Variants in AKAP13 observed in about 807,000 individuals in gnomAD.
AKAP13 encodes A-kinase anchor protein 13.
In AKAP13, 80 loss-of-function variants were observed where a neutral mutation model predicts 264.5. The observed-to-expected ratio is 0.30, with a 90% CI of 0.25 to 0.36. AKAP13 has a LOEUF of 0.36. Ranked by LOEUF, AKAP13 falls within the 10% of genes least tolerant of loss-of-function variation. The pLI is 1.00. For missense variants in AKAP13, 3,712 were observed against 3,435.2 expected (o/e 1.08, Z -2.01); for synonymous variants, 1,380 against 1,250.2 (o/e 1.10, Z -2.19).
At chr15:85,741,623 C>T in intron 35 of AKAP13, 128 bp downstream of exon 35, 2 of 1,384,644 alleles carry the variant, frequency 1.4e-6, no homozygotes, top group Non-Finnish European at 1.9e-6. Flanking sequence ...TGCCTGTGAT[C>T]CCAGCACTTT....
chr15:85,577,218 G>A (rs1385287832), intron 6 of AKAP13, among the ~76,000 whole-genome samples: 1 of 152,208 alleles, frequency 6.6e-6, no homozygotes, highest in East Asian at 1.9e-4. Context: ...GATAGGAATG[G>A]TCTGATGATG....
chr15:85,557,761 C>T (rs1272576085), intron 5 of AKAP13, among the ~76,000 whole-genome samples: 3 of 152,142 alleles, frequency 2.0e-5, no homozygotes, highest in Non-Finnish European at 4.4e-5. Flanking sequence ...AGGCATGAGC[C>T]CCCATGCCCA....
chr15:85,585,548 A>T (rs1461548753), intron 7 of AKAP13, among the ~76,000 whole-genome samples, 154 bp from the exon 8 acceptor site: 3 of 152,232 alleles, frequency 2.0e-5, no homozygotes, highest in African/African-American at 7.2e-5. Context: ...GCATAGGGTC[A>T]GAAATGACAC....
intron 1 of AKAP13, among the ~76,000 whole-genome samples, chr15:85,446,563 G>T (rs2150968503): frequency 6.6e-6 from 1 of 152,240 alleles, no homozygotes; most frequent in South Asian, 2.1e-4. Context: ...AGTTGAGAGT[G>T]GTTTGCCTAT....
intron 8 of AKAP13, among the ~76,000 whole-genome samples, chr15:85,633,575 T>A (rs1240414239): frequency 1.4e-5 from 2 of 138,304 alleles, no homozygotes; most frequent in South Asian, 2.5e-4. Flanking sequence ...ACGGAGTCTC[T>A]CTTTGTCACC....
At chr15:85,401,624 C>G (rs532291351) in intron 1 of AKAP13, among the ~76,000 whole-genome samples, 1 of 152,292 alleles carries the variant, frequency 6.6e-6, no homozygotes, top group South Asian at 2.1e-4. Flanking sequence ...CTTAAACTGT[C>G]CCTTTGAGGT....
chr15:85,473,197 G>A (rs536862752), intron 1 of AKAP13, among the ~76,000 whole-genome samples: 3 of 152,226 alleles, frequency 2.0e-5, no homozygotes, highest in African/African-American at 7.2e-5. Flanking sequence ...TTCAAGGTAC[G>A]GGGTCCTAAA....
At chr15:85,676,926 C>T (rs1364032980) in intron 14 of AKAP13, 1 of 985,366 alleles carries the variant, frequency 1.0e-6, no homozygotes, top group East Asian at 1.1e-4. Flanking sequence ...GCTGAAGGCC[C>T]TGGCATAATC....
chr15:85,710,605 T>G lies in AKAP13; in HGVS notation c.5559T>G (p.His1853Gln). 1 of 1,614,032 alleles carries G rather than the reference T, an allele frequency of 6.2e-7. No homozygotes were observed. Among genetic ancestry groups the G allele is most frequent in the South Asian group, 1.1e-5 (1 of 91,068 alleles). ...AGCCCAAAGGGAGCCTTCAGGCACA[T>G]GACACATCATCACTGCCCACGGTCA... ...MKQPKGSLQAHDTSSLPTVIM... is the reference protein window; with the variant it reads ...MKQPKGSLQAQDTSSLPTVIM... Residue 1853 changes from histidine to glutamine, a missense_variant, in exon 19 of 37, where the codon CAT becomes CAG. His to Gln is a conservative substitution (Grantham distance 24). This residue lies in a region of AKAP13 where 2,759 missense variants were observed against 2,411.7 expected (regional missense o/e 1.14). Transcript: ENST00000394518.
intron 8 of AKAP13, among the ~76,000 whole-genome samples, chr15:85,620,653 A>G (rs1435554811): frequency 1.3e-5 from 2 of 152,158 alleles, no homozygotes; most frequent in East Asian, 3.9e-4. Context: ...GGGGAAGGAT[A>G]GGCAACATTT....
intron 5 of AKAP13, among the ~76,000 whole-genome samples, chr15:85,556,875 C>T (rs1270273433): frequency 6.6e-6 from 1 of 152,186 alleles, no homozygotes; most frequent in Non-Finnish European, 1.5e-5. Context: ...CATTTTCTAC[C>T]ATAAGCACCT....
chr15:85,701,500 C>T lies in AKAP13; in HGVS notation c.5465-6519C>T, dbSNP rs956996371. 3.5e-4 allele frequency among the ~76,000 whole-genome samples: 53 copies of T among 152,056 alleles called. 1 individual carries two copies. The highest frequency in any genetic ancestry group is 6.6e-5 in the Admixed American group (1 of 15,254). On this transcript the variant is annotated intron_variant, in intron 17 of 36. Coordinates refer to ENST00000394518, the MANE Select transcript of AKAP13 (RefSeq NM_007200.5). ...TGTCACCTAGGCTGGAGTACAGTGGCGCAATCTCGGCTCACTGCAACCTCC... is the reference window on the plus strand; with the variant it reads ...TGTCACCTAGGCTGGAGTACAGTGGTGCAATCTCGGCTCACTGCAACCTCC...
intron 8 of AKAP13, among the ~76,000 whole-genome samples, chr15:85,631,500 TCTCACACACA>T (rs1225685156): frequency 2.8e-3 from 226 of 80,160 alleles, no homozygotes; most frequent in East Asian, 9.0e-3. Flanking sequence ...TCTCTCTCTC[TCTCACACACA>T]CACACACACA....
At chr15:85,619,948 A>G in intron 8 of AKAP13, 1 of 1,444,456 alleles carries the variant, frequency 6.9e-7, no homozygotes, top group Non-Finnish European at 9.1e-7. Context: ...CCCCTTTGAG[A>G]GTTTTAATAG....
intron 2 of AKAP13, among the ~76,000 whole-genome samples, chr15:85,486,664 T>G (rs996030869): frequency 2.0e-5 from 3 of 152,144 alleles, no homozygotes; most frequent in African/African-American, 7.2e-5. Flanking sequence ...AACTTGGTAC[T>G]TCCTTGAAAT....
At chr15:85,460,805 G>C (rs139121454) in intron 1 of AKAP13, among the ~76,000 whole-genome samples, 289 of 152,330 alleles carry the variant, frequency 1.9e-3, no homozygotes, top group Admixed American at 3.0e-3. Context: ...AGAGATGCAA[G>C]TGCCCACTAG....
At chr15:85,421,477 A>G (rs2072517585) in intron 1 of AKAP13, among the ~76,000 whole-genome samples, 1 of 152,260 alleles carries the variant, frequency 6.6e-6, no homozygotes, top group Non-Finnish European at 1.5e-5. Context: ...AATAAATGGC[A>G]GGAAACATTT....
intron 1 of AKAP13, among the ~76,000 whole-genome samples, chr15:85,474,505 A>G (rs561607249): frequency 4.8e-4 from 73 of 152,346 alleles, no homozygotes; most frequent in African/African-American, 1.7e-3. Flanking sequence ...TGTCTAAGGG[A>G]TTACTCATGT....
intron 23 of AKAP13, among the ~76,000 whole-genome samples, chr15:85,721,544 A>T (rs1302299763): frequency 6.6e-6 from 1 of 152,230 alleles, no homozygotes; most frequent in East Asian, 1.9e-4. Context: ...GGCCTGAAGT[A>T]AGTAGTACAA....
Sources: gnomAD v4.1 joint callset for allele counts (sites outside exome capture counted in the v4.1 genomes callset) on GRCh38, gnomAD v4.1.1 for gene constraint, gnomAD v4.1.1 regional missense constraint, MANE v1.5 for transcripts, NCBI Gene and HGNC (gene_info 2026-07-23, HGNC 2026-07-21) for gene names.